GPC6: variants seen among roughly 807,000 people sequenced by gnomAD.
GPC6 encodes the protein glypican 6.
GPC6 carries 14 observed loss-of-function variants against 55.2 expected under a neutral mutation model. That is an observed-to-expected ratio of 0.25 (90% confidence interval 0.17 to 0.40). The LOEUF (loss-of-function observed/expected upper bound fraction) is 0.40. Ranked by LOEUF, GPC6 falls within the 10% of genes least tolerant of loss-of-function variation. GPC6 has a pLI of 1.00. For synonymous variants in GPC6, 278 were observed against 259.6 expected (o/e 1.07, Z -0.68); for missense variants, 641 against 708.5 (o/e 0.90, Z 1.08).
intron 2 of GPC6, among the ~76,000 whole-genome samples, chr13:93,724,280 T>C (rs927432412): frequency 2.6e-5 from 4 of 151,982 alleles, no homozygotes; most frequent in African/African-American, 9.7e-5. Context: ...GGGGAGTTTG[T>C]TACTAATGTT....
chr13:94,394,059 C>A (rs970860284), intron 7 of GPC6, among the ~76,000 whole-genome samples: 3 of 152,170 alleles, frequency 2.0e-5, no homozygotes, highest in Non-Finnish European at 4.4e-5. Context: ...AGCCCTCTCA[C>A]CCCCAAATTT....
intron 4 of GPC6, among the ~76,000 whole-genome samples, chr13:94,174,384 G>A (rs537804465): frequency 6.6e-6 from 1 of 152,248 alleles, no homozygotes; most frequent in South Asian, 2.1e-4. Context: ...AATGGAGTTA[G>A]AGGACACAAT....
intron 6 of GPC6, among the ~76,000 whole-genome samples, chr13:94,351,966 A>C (rs1324600857): frequency 2.6e-4 from 11 of 42,100 alleles, no homozygotes; most frequent in Non-Finnish European, 6.5e-4. Flanking sequence ...AGAAGGCAAA[A>C]AAAAAAAAAA....
intron 4 of GPC6, among the ~76,000 whole-genome samples, chr13:94,173,769 C>A (rs997191569): frequency 6.6e-6 from 1 of 152,080 alleles, no homozygotes; most frequent in Non-Finnish European, 1.5e-5. Flanking sequence ...ATCTGAATAT[C>A]CTGCTTCTTC....
intron 1 of GPC6, among the ~76,000 whole-genome samples, chr13:93,380,468 C>T (rs1018000239): frequency 6.6e-6 from 1 of 152,276 alleles, no homozygotes; most frequent in Non-Finnish European, 1.5e-5. Flanking sequence ...TAAAGAGAAG[C>T]TTCCTCATTA....
At chr13:93,797,488 T>C (rs946856201) in intron 2 of GPC6, among the ~76,000 whole-genome samples, 6 of 152,202 alleles carry the variant, frequency 3.9e-5, no homozygotes, top group Non-Finnish European at 8.8e-5. Flanking sequence ...CTTCCAGACC[T>C]AAGATTTTAT....
chr13:93,489,831 T>C (rs1281456568), intron 1 of GPC6, among the ~76,000 whole-genome samples: 3 of 151,632 alleles, frequency 2.0e-5, no homozygotes, highest in Non-Finnish European at 4.4e-5. Flanking sequence ...TCCTGAGACT[T>C]TGCTGGAGTT....
chr13:93,851,649 A>T (rs901039161), intron 3 of GPC6, among the ~76,000 whole-genome samples: 22 of 151,856 alleles, frequency 1.4e-4, no homozygotes, highest in African/African-American at 5.3e-4. Flanking sequence ...GCTAGCTTGG[A>T]AGAATTATGT....
At chr13:93,426,481 G>A (rs1011138399) in intron 1 of GPC6, among the ~76,000 whole-genome samples, 12 of 22,222 alleles carry the variant, frequency 5.4e-4, no homozygotes, top group Non-Finnish European at 2.6e-3. Flanking sequence ...GTGAGAATAT[G>A]CAGTGTTTGG....
chr13:93,364,565 G>A (rs544346664), intron 1 of GPC6, among the ~76,000 whole-genome samples: 1 of 151,768 alleles, frequency 6.6e-6, no homozygotes, highest in Admixed American at 6.6e-5. Flanking sequence ...GCAGTGATGG[G>A]ATAGTAAAAG....
chr13:94,222,964 C>T (rs1257599646), intron 4 of GPC6, among the ~76,000 whole-genome samples: 1 of 152,056 alleles, frequency 6.6e-6, no homozygotes, highest in Non-Finnish European at 1.5e-5. Flanking sequence ...GATAGCCCCT[C>T]TAACTGATTA....
chr13:94,145,337 A>G (rs984971281), intron 4 of GPC6, among the ~76,000 whole-genome samples: 1 of 152,176 alleles, frequency 6.6e-6, no homozygotes, highest in Non-Finnish European at 1.5e-5. Flanking sequence ...AAACTTATCA[A>G]TTTAGGGTCA....
intron 3 of GPC6, among the ~76,000 whole-genome samples, chr13:93,952,812 C>T (rs1258524810): frequency 1.4e-5 from 2 of 146,796 alleles, no homozygotes; most frequent in Non-Finnish European, 3.0e-5. Flanking sequence ...TAGGTATACA[C>T]ACACACACAT....
intron 3 of GPC6, among the ~76,000 whole-genome samples, chr13:93,881,155 A>G (rs574376529): frequency 6.6e-6 from 1 of 152,124 alleles, no homozygotes; most frequent in Non-Finnish European, 1.5e-5. Flanking sequence ...TGGAAATAGA[A>G]TGTGAGTAGA....
At chr13:94,284,420 G>A (rs1159758134) in intron 4 of GPC6, among the ~76,000 whole-genome samples, 1 of 151,850 alleles carries the variant, frequency 6.6e-6, no homozygotes, top group Non-Finnish European at 1.5e-5. Flanking sequence ...TGGGGAACTG[G>A]GGATGGGGGT....
At chr13:93,612,204 A>T (rs1878496918) in intron 2 of GPC6, among the ~76,000 whole-genome samples, 1 of 152,158 alleles carries the variant, frequency 6.6e-6, no homozygotes, top group Non-Finnish European at 1.5e-5. Context: ...TAGGTTATAA[A>T]ATACTTCATG....
At chr13:93,865,314 A>G (rs749320204) in intron 3 of GPC6, among the ~76,000 whole-genome samples, 1 of 151,742 alleles carries the variant, frequency 6.6e-6, no homozygotes, top group Non-Finnish European at 1.5e-5. Context: ...ATTTTCAATG[A>G]TAAATGTCTG....
chr13:93,577,143 C>T (rs1041990180), intron 2 of GPC6, among the ~76,000 whole-genome samples: 4 of 152,070 alleles, frequency 2.6e-5, no homozygotes, highest in Non-Finnish European at 5.9e-5. Flanking sequence ...AATAACTTAA[C>T]TTTACACAAA....
At chr13:93,555,421 A>G (rs1282869509) in intron 2 of GPC6, among the ~76,000 whole-genome samples, 1 of 152,198 alleles carries the variant, frequency 6.6e-6, no homozygotes, top group Non-Finnish European at 1.5e-5. Flanking sequence ...CAATGGTAGC[A>G]ACCTGTGCAG....
Sources: allele counts gnomAD v4.1 joint callset (sites outside exome capture counted in the v4.1 genomes callset), GRCh38; gene constraint gnomAD v4.1.1; transcripts MANE v1.5; gene names NCBI Gene and HGNC (gene_info 2026-07-23, HGNC 2026-07-21).